ULK4: variants seen among roughly 807,000 people sequenced by gnomAD.
ULK4 encodes inactive serine/threonine-protein kinase ULK4.
ULK4 carries 133 observed loss-of-function variants against 160.6 expected under a neutral mutation model. That is an observed-to-expected ratio of 0.83 (90% confidence interval 0.72 to 0.96). The LOEUF (loss-of-function observed/expected upper bound fraction) is 0.96. Among genes scored for constraint, ULK4 ranks in the 40% least tolerant of loss-of-function variants. ULK4 has a pLI of 0.00. For synonymous variants in ULK4, 534 were observed against 539.8 expected (o/e 0.99, Z 0.15); for missense variants, 1,580 against 1,499.5 (o/e 1.05, Z -0.89).
chr3:41,408,928 A>G (rs2082353116), intron 34 of ULK4, among the ~76,000 whole-genome samples: 1 of 152,166 alleles, frequency 6.6e-6, no homozygotes. Flanking sequence ...ACCCCACATC[A>G]CACCATATAT....
intron 30 of ULK4, among the ~76,000 whole-genome samples, chr3:41,616,828 G>C (rs1453582948): frequency 6.6e-6 from 1 of 152,192 alleles, no homozygotes; most frequent in Non-Finnish European, 1.5e-5. Context: ...AGGGAGTCAA[G>C]TGGTCTTGCT....
chr3:41,702,673 A>G (rs2036717156), intron 27 of ULK4, among the ~76,000 whole-genome samples: 1 of 152,154 alleles, frequency 6.6e-6, no homozygotes, highest in Non-Finnish European at 1.5e-5. Flanking sequence ...TCATAAGATG[A>G]CATAATTTGA....
At chr3:41,654,320 C>T (rs1189477822) in intron 30 of ULK4, among the ~76,000 whole-genome samples, 2 of 152,132 alleles carry the variant, frequency 1.3e-5, no homozygotes, top group African/African-American at 4.8e-5. Flanking sequence ...TTACTAACAC[C>T]TTTCAAAGAT....
chr3:41,897,999 A>G (rs1169835349), intron 14 of ULK4, among the ~76,000 whole-genome samples: 2 of 152,132 alleles, frequency 1.3e-5, no homozygotes, highest in Non-Finnish European at 2.9e-5. Flanking sequence ...CCACTCCCAC[A>G]CCACCTCCAC....
chr3:41,610,703 T>A (rs1575481105), intron 31 of ULK4, among the ~76,000 whole-genome samples: 1 of 152,214 alleles, frequency 6.6e-6, no homozygotes, highest in South Asian at 2.1e-4. Context: ...AATATAATTG[T>A]CAAACTAGTG....
chr3:41,546,136 C>A (rs1037637344), intron 32 of ULK4, among the ~76,000 whole-genome samples: 2 of 152,008 alleles, frequency 1.3e-5, no homozygotes, highest in Non-Finnish European at 2.9e-5. Flanking sequence ...TCTTCAAATT[C>A]TTTCTGTACC....
intron 35 of ULK4, among the ~76,000 whole-genome samples, chr3:41,386,268 T>C (rs907141846): frequency 6.6e-6 from 1 of 152,326 alleles, no homozygotes; most frequent in South Asian, 2.1e-4. Context: ...TTTCATTTTG[T>C]GGCCTGCTTT....
intron 8 of ULK4, chr3:41,913,320 G>A (rs796954516): frequency 6.6e-5 from 10 of 151,948 alleles, no homozygotes; most frequent in African/African-American, 2.0e-4. Context: ...CTGCCTCCCG[G>A]GTTCACGCCA....
chr3:41,621,119 A>G (rs1350775517), intron 30 of ULK4, among the ~76,000 whole-genome samples: 1 of 152,228 alleles, frequency 6.6e-6, no homozygotes, highest in Non-Finnish European at 1.5e-5. Flanking sequence ...AAGAGAGGAC[A>G]CAAACAAATG....
At chr3:41,425,311 C>G (rs1182505907) in intron 34 of ULK4, among the ~76,000 whole-genome samples, 1 of 152,142 alleles carries the variant, frequency 6.6e-6, no homozygotes, top group Non-Finnish European at 1.5e-5. Flanking sequence ...AAAGACCAAA[C>G]CTATAACTGA....
chr3:41,306,006 A>C (rs1411451358), intron 35 of ULK4, among the ~76,000 whole-genome samples: 1 of 148,170 alleles, frequency 6.7e-6, no homozygotes, highest in Admixed American at 6.7e-5. Context: ...CTGAGAAGTA[A>C]GGAGCCCCTC....
At chr3:41,347,087 A>G (rs990795884) in intron 35 of ULK4, among the ~76,000 whole-genome samples, 10 of 152,128 alleles carry the variant, frequency 6.6e-5, no homozygotes, top group Admixed American at 6.5e-4. Flanking sequence ...AAAAACCCAC[A>G]TAGGATTCAT....
chr3:41,478,895 GTTACATAAAC>G (rs1474328089), intron 32 of ULK4, among the ~76,000 whole-genome samples: 1 of 152,170 alleles, frequency 6.6e-6, no homozygotes, highest in African/African-American at 2.4e-5. Flanking sequence ...TTAGCTCAAC[GTTACATAAAC>G]TTACTTTCCA....
intron 30 of ULK4, among the ~76,000 whole-genome samples, chr3:41,657,152 T>A (rs2034966901): frequency 6.6e-6 from 1 of 152,122 alleles, no homozygotes. Context: ...AAAAAAATCC[T>A]GGTCATGTAC....
chr3:41,859,419 T>C (rs762588274), intron 17 of ULK4: 14 of 561,162 alleles, frequency 2.5e-5, no homozygotes, highest in Non-Finnish European at 4.6e-5. Context: ...GAGGGTTGAG[T>C]TGGGCCAGAA....
intron 35 of ULK4, among the ~76,000 whole-genome samples, chr3:41,379,094 C>T (rs1048031241): frequency 2.6e-5 from 4 of 151,694 alleles, no homozygotes; most frequent in Non-Finnish European, 4.4e-5. Flanking sequence ...TTAGGAGAAA[C>T]ACCTAATGTA....
At chr3:41,738,053 T>A (rs2038115406) in intron 22 of ULK4, among the ~76,000 whole-genome samples, 1 of 147,536 alleles carries the variant, frequency 6.8e-6, no homozygotes. Flanking sequence ...AAAATTAGTA[T>A]CAAGAGCAAA....
chr3:41,679,103 A>C (rs910399929), intron 29 of ULK4, among the ~76,000 whole-genome samples: 2 of 152,228 alleles, frequency 1.3e-5, no homozygotes, highest in Non-Finnish European at 2.9e-5. Context: ...AGGAAGGCAC[A>C]ATAAGCATTA....
At chr3:41,704,493 G>A (rs902799756) in intron 27 of ULK4, among the ~76,000 whole-genome samples, 23 of 152,170 alleles carry the variant, frequency 1.5e-4, no homozygotes, top group African/African-American at 5.1e-4. Flanking sequence ...AGAAAGGGAC[G>A]GAGGATTTCC....
Sources: allele counts gnomAD v4.1 joint callset (sites outside exome capture counted in the v4.1 genomes callset), GRCh38; gene constraint gnomAD v4.1.1; transcripts MANE v1.5; gene names NCBI Gene and HGNC (gene_info 2026-07-23, HGNC 2026-07-21).